Variants in CREB5 observed in about 807,000 individuals in gnomAD.
CREB5 encodes cAMP responsive element binding protein 5, also known as cyclic AMP-responsive element-binding protein 5.
A neutral mutation model predicts 57.1 loss-of-function variants in CREB5; 19 were observed. That is an observed-to-expected ratio of 0.33 (90% CI 0.23 to 0.49). The LOEUF (loss-of-function observed/expected upper bound fraction) is 0.49, where lower values mean the gene tolerates loss of function less well. Among genes scored for constraint, CREB5 ranks in the 20% least tolerant of loss-of-function variants. The pLI is 0.99. For synonymous variants in CREB5, 238 were observed against 238.3 expected (o/e 1.00, Z 0.01); for missense variants, 579 against 671.6 (o/e 0.86, Z 1.52).
chr7:28,749,873 A>G lies in CREB5; in HGVS notation c.702+25541A>G, dbSNP rs1010201212. On this transcript the variant is annotated intron_variant, in intron 7 of 10. Transcript: ENST00000357727. ...TTACATGTCTCAGAAGTAGAATCCAATTGGCCAAGAAGTTGGCCAAGAGCT... is the reference window on the plus strand; with the variant it reads ...TTACATGTCTCAGAAGTAGAATCCAGTTGGCCAAGAAGTTGGCCAAGAGCT... Among the ~76,000 whole-genome samples the G allele has an allele frequency of 2.6e-5, 4 of 152,100 alleles. No individual in the cohort carries two copies. The East Asian group carries it at 5.8e-4, about 22-fold the overall frequency.
intron 1 of CREB5, among the ~76,000 whole-genome samples, chr7:28,332,060 A>T (rs78134090): frequency 0.016 from 2,420 of 152,242 alleles, 39 homozygotes; most frequent in Non-Finnish European, 0.018. Flanking sequence ...AAATTCAAGG[A>T]CAAGTGAGTG....
At chr7:28,637,642 G>C (rs1210245005) in intron 5 of CREB5, among the ~76,000 whole-genome samples, 1 of 152,170 alleles carries the variant, frequency 6.6e-6, no homozygotes, top group Non-Finnish European at 1.5e-5. Flanking sequence ...TGAAGATGCA[G>C]AGGGCAAACT....
At chr7:28,738,572 A>T (rs1020771469) in intron 7 of CREB5, among the ~76,000 whole-genome samples, 14 of 152,092 alleles carry the variant, frequency 9.2e-5, no homozygotes, top group South Asian at 2.1e-4. Context: ...TGTTTATCTC[A>T]CTCCGTCATT....
At chr7:28,448,732 C>T (rs998059523) in intron 1 of CREB5, among the ~76,000 whole-genome samples, 25 of 152,330 alleles carry the variant, frequency 1.6e-4, no homozygotes, top group Admixed American at 8.5e-4. Flanking sequence ...GAGGAATTGA[C>T]GAGCTAGCTG....
intron 4 of CREB5, among the ~76,000 whole-genome samples, chr7:28,525,951 G>A (rs1253658730): frequency 2.6e-5 from 4 of 152,128 alleles, no homozygotes; most frequent in African/African-American, 9.7e-5. Flanking sequence ...AGGGGTTCTC[G>A]ATAATTCTAA....
intron 7 of CREB5, among the ~76,000 whole-genome samples, chr7:28,738,946 T>C (rs1011038775): frequency 1.3e-5 from 2 of 152,228 alleles, no homozygotes; most frequent in Non-Finnish European, 2.9e-5. Context: ...TACACCTGGT[T>C]CTCAGAGATA....
intron 1 of CREB5, among the ~76,000 whole-genome samples, chr7:28,393,897 A>G (rs1054577626): frequency 3.3e-5 from 5 of 152,052 alleles, no homozygotes; most frequent in African/African-American, 1.2e-4. Context: ...CAACATGGTG[A>G]AACCTCATCT....
chr7:28,709,857 ATATCGAT>A, intron 5 of CREB5, among the ~76,000 whole-genome samples: 1 of 152,196 alleles, frequency 6.6e-6, no homozygotes, highest in South Asian at 2.1e-4. Flanking sequence ...GCCCTTGTCA[ATATCGAT>A]AAGTCCGTGC....
At chr7:28,540,571 T>C (rs1039941898) in intron 4 of CREB5, among the ~76,000 whole-genome samples, 1 of 152,222 alleles carries the variant, frequency 6.6e-6, no homozygotes, top group African/African-American at 2.4e-5. Context: ...TGAATTCTTC[T>C]ATACCATTCC....
intron 5 of CREB5, among the ~76,000 whole-genome samples, chr7:28,648,042 A>C (rs929247187): frequency 6.6e-6 from 1 of 152,228 alleles, no homozygotes; most frequent in African/African-American, 2.4e-5. Flanking sequence ...AATCTTATAA[A>C]AATTATAGCA....
intron 1 of CREB5, among the ~76,000 whole-genome samples, chr7:28,406,691 T>C (rs1022934010): frequency 1.3e-5 from 2 of 152,222 alleles, no homozygotes; most frequent in African/African-American, 4.8e-5. Flanking sequence ...AGAGATGCTC[T>C]TGCATAGCTG....
At chr7:28,528,704 CAAAAAAAAAAAAAAAA>C (rs778154325) in intron 4 of CREB5, among the ~76,000 whole-genome samples, 1 of 58,392 alleles carries the variant, frequency 1.7e-5, no homozygotes, top group African/African-American at 6.0e-5. Flanking sequence ...AACTCCATCT[CAAAAAAAAAAAAAAAA>C]AAAAAAAAGA....
chr7:28,500,401 C>A (rs7807102), intron 3 of CREB5, among the ~76,000 whole-genome samples: 1 of 152,000 alleles, frequency 6.6e-6, no homozygotes, highest in Non-Finnish European at 1.5e-5. Flanking sequence ...CTTGAGCTGA[C>A]GCTGAAGAGA....
At chr7:28,630,964 C>A (rs1039885140) in intron 5 of CREB5, among the ~76,000 whole-genome samples, 2 of 152,138 alleles carry the variant, frequency 1.3e-5, no homozygotes, top group Non-Finnish European at 2.9e-5. Flanking sequence ...GGAAACCAGG[C>A]AGAAACATTA....
chr7:28,675,525 G>A (rs1222245857), intron 5 of CREB5, among the ~76,000 whole-genome samples: 4 of 152,186 alleles, frequency 2.6e-5, no homozygotes, highest in Non-Finnish European at 5.9e-5. Flanking sequence ...GAGGGTATCA[G>A]GAAATGCAGA....
intron 8 of CREB5, 114 bp downstream of exon 8, chr7:28,804,636 C>T: frequency 7.6e-7 from 1 of 1,312,122 alleles, no homozygotes; most frequent in Non-Finnish European, 1.1e-6. Flanking sequence ...TGTTCTATCT[C>T]ACATTCTAGG....
intron 1 of CREB5, among the ~76,000 whole-genome samples, chr7:28,305,934 T>A (rs779027587): frequency 6.6e-6 from 1 of 152,186 alleles, no homozygotes; most frequent in East Asian, 1.9e-4. Flanking sequence ...TGCGTGTGTG[T>A]GTGTGTGCAT....
At chr7:28,424,276 T>A (rs1202678069) in intron 1 of CREB5, among the ~76,000 whole-genome samples, 1 of 152,214 alleles carries the variant, frequency 6.6e-6, no homozygotes, top group African/African-American at 2.4e-5. Context: ...ATATCTCCTT[T>A]CAGGAAAACA....
At chr7:28,411,352 G>A (rs1787791446), upstream of CREB5, among the ~76,000 whole-genome samples, 3 of 152,176 alleles carry the variant, frequency 2.0e-5, no homozygotes, top group Admixed American at 2.0e-4. Flanking sequence ...GTGAGGGAAT[G>A]TGAGTCGTTG....
Sources: gnomAD v4.1 joint callset for allele counts (sites outside exome capture counted in the v4.1 genomes callset) on GRCh38, gnomAD v4.1.1 for gene constraint, MANE v1.5 for transcripts, NCBI Gene and HGNC (gene_info 2026-07-23, HGNC 2026-07-21) for gene names.